Variants in GIT1 observed in about 807,000 individuals in gnomAD.
GIT1 encodes the protein ARF GTPase-activating protein GIT1.
A neutral mutation model predicts 91.7 loss-of-function variants in GIT1; 14 were observed. That is an observed-to-expected ratio of 0.15 (90% confidence interval 0.10 to 0.24). The LOEUF (loss-of-function observed/expected upper bound fraction) is 0.24. Among genes scored for constraint, GIT1 ranks in the 10% least tolerant of loss-of-function variants. The pLI is 1.00. For missense variants in GIT1, 717 were observed against 1,024.9 expected, an observed-to-expected ratio of 0.70 and a Z score of 4.10; for synonymous variants, 414 against 418.2, an observed-to-expected ratio of 0.99 and a Z score of 0.12.
At chr17:29,586,304 CT>C (rs769426785) in intron 1 of GIT1, among the ~76,000 whole-genome samples, 2 of 152,122 alleles carry the variant, frequency 1.3e-5, no homozygotes, top group Non-Finnish European at 2.9e-5. Context: ...TTTTTTGTGA[CT>C]TTATTTTTTA....
rs1261245165 is a variant in GIT1, at chr17:29,584,138, G to T, written c.53-522C>A. On this transcript the variant is annotated intron_variant, in intron 1 of 19. Coordinates refer to ENST00000225394, the MANE Select transcript of GIT1 (RefSeq NM_014030.4). Reference sequence around the variant, plus strand: ...CCATCATCACTGAGGGTGTAAGCTGGAGCCCTCTTAAGGAAGATGGACAGA... The same window carrying T: ...CCATCATCACTGAGGGTGTAAGCTGTAGCCCTCTTAAGGAAGATGGACAGA... Among the ~76,000 whole-genome samples, 6 of 152,230 alleles carry T rather than the reference G, an allele frequency of 3.9e-5. No homozygotes were observed. The East Asian group carries it at 7.7e-4, about 20-fold the overall frequency.
Position 29,581,987 on chromosome 17 carries a change from A to G in GIT1, c.563T>C (p.Val188Ala), listed in dbSNP as rs2033414327. 2.5e-6 allele frequency: 4 copies of G among 1,612,548 alleles called. No homozygotes were observed. In the East Asian group the frequency reaches 8.9e-5, roughly 36 times the overall value. ...GQTLQAELLVVYGADPGSPDV... is the reference protein window; with the variant it reads ...GQTLQAELLVAYGADPGSPDV... ...AGGGGAGCCAGGGTCAGCCCCATACACTACAAGCAGCTCGGCCTGCAGTGT... is the reference window on the plus strand; with the variant it reads ...AGGGGAGCCAGGGTCAGCCCCATACGCTACAAGCAGCTCGGCCTGCAGTGT... The change falls in exon 5 of 20, where the codon GTG becomes GCG. Residue 188 changes from valine (V) to alanine (A), a missense_variant. By Grantham distance (64) the Val-to-Ala change is moderately conservative. Coordinates refer to ENST00000225394, the MANE Select transcript of GIT1 (RefSeq NM_014030.4). The surrounding 1 kb of genome is among the most constrained non-coding windows in gnomAD (Gnocchi z 4.8).
In GIT1 at chr17:29,581,259, C is replaced by T; in HGVS notation, c.761+79G>A. 5 of 1,065,596 alleles carry T rather than the reference C, an allele frequency of 4.7e-6. No homozygotes were observed. Among genetic ancestry groups the T allele is most frequent in the Non-Finnish European group, 7.3e-6 (5 of 682,794 alleles). The allele number at this position is 1,065,596 out of a possible 1,614,324, so 66.0% of individuals were successfully genotyped here. ...GAGCAGGGTCCTAGGCCTCTGAAAC[C>T]TGGGCTGGGAGCTCTGGGGGTCAGC... On this transcript the variant is annotated intron_variant, in intron 7 of 19. Transcript: ENST00000225394. The surrounding 1 kb of genome is among the most constrained non-coding windows in gnomAD (Gnocchi z 4.8).
chr17:29,575,994 A>T lies in GIT1; in HGVS notation c.1665+84T>A. Reference sequence around the variant, plus strand: ...GGGACCAGGTCAGTCTAATCATCTTAAGCCCCGAATTCAGCACAGAGCCCA... The same window carrying T: ...GGGACCAGGTCAGTCTAATCATCTTTAGCCCCGAATTCAGCACAGAGCCCA... On this transcript the variant is annotated intron_variant, in intron 15 of 19. Transcript: ENST00000225394. This position sits in a 1 kb window ranked among gnomAD's most constrained non-coding sequence, Gnocchi z 5.5. The T allele has an allele frequency of 6.4e-7, 1 of 1,551,082 alleles. No individual in the cohort carries two copies. The highest frequency in any genetic ancestry group is 8.9e-7 in the Non-Finnish European group (1 of 1,123,920).
chr17:29,583,444 C>A, intron 2 of GIT1, 39 bp downstream of exon 2: 2 of 1,602,270 alleles, frequency 1.2e-6, no homozygotes, highest in Non-Finnish European at 8.5e-7. Context: ...GCACACTCTG[C>A]CTGAGGGGAA....
intron 7 of GIT1, among the ~76,000 whole-genome samples, chr17:29,580,339 G>C (rs1402594327): frequency 6.6e-6 from 1 of 152,220 alleles, no homozygotes; most frequent in Admixed American, 6.5e-5. Context: ...TTGGGGTCTG[G>C]AAGAGGTCTG....
At chr17:29,587,748 T>C (rs771758146) in intron 1 of GIT1, among the ~76,000 whole-genome samples, 3 of 152,152 alleles carry the variant, frequency 2.0e-5, no homozygotes, top group Non-Finnish European at 4.4e-5. Context: ...GAGGAAAGTC[T>C]TGTTGGGATT....
At chr17:29,583,066 GT>G in intron 2 of GIT1, 29 bp from the exon 3 acceptor site, 1 of 1,410,138 alleles carries the variant, frequency 7.1e-7, no homozygotes, top group Non-Finnish European at 1.0e-6. Context: ...AAGTGAGAGA[GT>G]GCCCACTGCG....
Position 29,582,067 on chromosome 17 carries a change from G to A in GIT1, c.483C>T (p.Phe161=), listed in dbSNP as rs2033416700. The change falls in exon 5 of 20, where the codon TTC becomes TTT. Residue 161 remains phenylalanine (F), a synonymous_variant. Transcript: ENST00000225394. ...RLLSLGAQAN[F]FHPEKGTTPL... ...GTGTGGTGCCCTTCTCTGGGTGGAAGAAGTTGGCCTGGGCACCCAGGGAGA... is the reference window on the plus strand; with the variant it reads ...GTGTGGTGCCCTTCTCTGGGTGGAAAAAGTTGGCCTGGGCACCCAGGGAGA... The A allele has an allele frequency of 1.2e-6, 2 of 1,609,612 alleles. No homozygotes were observed. The highest frequency in any genetic ancestry group is 1.1e-5 in the South Asian group (1 of 91,068).
Position 29,575,540 on chromosome 17 carries a change from G to T in GIT1, c.1827-70C>A. ...AAAGACACGTTCCAGCCTCGGAGCC[G>T]CCCGCCTTGGTCCTCACACACTGGG... is the stretch of plus-strand genomic sequence containing the variant. On this transcript the variant is annotated intron_variant, in intron 17 of 19. Transcript: ENST00000225394. This position sits in a 1 kb window ranked among gnomAD's most constrained non-coding sequence, Gnocchi z 5.5. 3 of 1,555,368 alleles carry T rather than the reference G, an allele frequency of 1.9e-6. No individual in the cohort carries two copies. Among genetic ancestry groups the T allele is most frequent in the Non-Finnish European group, 1.8e-6 (2 of 1,139,016 alleles).
At chr17:29,583,653 T>A (rs1183655630) in intron 1 of GIT1, 37 bp from the exon 2 acceptor site, 1 of 1,544,850 alleles carries the variant, frequency 6.5e-7, no homozygotes, top group African/African-American at 1.4e-5. Flanking sequence ...CGGAGCCAGA[T>A]GATGGGCCAG....
In GIT1 at chr17:29,575,748, C is replaced by G. The variant is rs1567768416; in HGVS notation, c.1753-45G>C. On this transcript the variant is annotated intron_variant, in intron 16 of 19. Coordinates refer to ENST00000225394, the MANE Select transcript of GIT1 (RefSeq NM_014030.4). This position sits in a 1 kb window ranked among gnomAD's most constrained non-coding sequence, Gnocchi z 5.5. Reference sequence around the variant, plus strand: ...GGCTGTGAGCGCCGTGTTCCTGGACCCACACTGCCCCTAGCCCACACGGCC... The same window carrying G: ...GGCTGTGAGCGCCGTGTTCCTGGACGCACACTGCCCCTAGCCCACACGGCC... 6.3e-7 allele frequency: 1 copy of G among 1,598,602 alleles called. No homozygotes were observed. Among genetic ancestry groups the G allele is most frequent in the Non-Finnish European group, 8.5e-7 (1 of 1,173,438 alleles).
Position 29,574,128 on chromosome 17 carries a change from G to T in GIT1, c.*574C>A, listed in dbSNP as rs1416981056. 7.1e-6 allele frequency: 1 copy of T among 141,064 alleles called. No individual in the cohort carries two copies. Among genetic ancestry groups the T allele is most frequent in the African/African-American group, 2.6e-5 (1 of 38,370 alleles). The allele number at this position is 141,064 out of a possible 1,614,324, so 8.7% of individuals were successfully genotyped here. A position where few individuals can be genotyped will look rare whatever the true frequency, so the allele number is the denominator to read the frequency against. Reference sequence around the variant, plus strand: ...AAATTAAGGGGTGGGGAAGAAGAAAGAAAAAAAAAAAACAGACTTTCCAGT... The same window carrying T: ...AAATTAAGGGGTGGGGAAGAAGAAATAAAAAAAAAAAACAGACTTTCCAGT... On this transcript the variant is annotated 3_prime_UTR_variant, in exon 20 of 20. Transcript: ENST00000225394.
Position 29,578,337 on chromosome 17 carries a change from T to C in GIT1, c.845A>G (p.Asp282Gly). 6.2e-7 allele frequency: 1 copy of C among 1,614,138 alleles called. No individual in the cohort carries two copies. Among genetic ancestry groups the C allele is most frequent in the Non-Finnish European group, 8.5e-7 (1 of 1,180,000 alleles). ...TCTTCGATCCACCTCGTCATACACG[T>C]CCATGGCGAGTTCCTCAAAAAGCCG... ...SNRLFEELAM[D>G]VYDEVDRREN... The change falls in exon 9 of 20, where the codon GAC becomes GGC. Residue 282 changes from aspartate to glycine, a missense_variant. Asp to Gly is a moderately conservative substitution (Grantham distance 94). Around this residue, in one of 3 missense-constraint regions of GIT1, gnomAD observed 271 missense variants for 451.6 expected, o/e 0.60. Transcript: ENST00000225394.
chr17:29,589,351 C>A lies in GIT1; in HGVS notation c.28G>T (p.Val10Leu). The change falls in exon 1 of 20, where the codon GTG (valine) becomes TTG (leucine). Residue 10 changes from valine (V) to leucine (L), a missense_variant. Val to Leu is a conservative substitution (Grantham distance 32). Around this residue, in one of 3 missense-constraint regions of GIT1, gnomAD observed 271 missense variants for 451.6 expected, o/e 0.60. Coordinates refer to ENST00000225394, the MANE Select transcript of GIT1 (RefSeq NM_014030.4). The surrounding 1 kb of genome is among the most constrained non-coding windows in gnomAD (Gnocchi z 5.2). ...CCCGGGGCGCTGCAGTCCGCACACA[C>A]CTCCGCTCGCGGCCCCTTTCGGGAC... MSRKGPRAE[V>L]CADCSAPDPG... The A allele has an allele frequency of 9.2e-7, 1 of 1,090,598 alleles. No individual in the cohort carries two copies. The highest frequency in any genetic ancestry group is 1.1e-6 in the Non-Finnish European group (1 of 886,278). 67.6% of individuals were successfully genotyped at this position (1,090,598 alleles called of 1,614,324 possible).
chr17:29,586,041 G>C (rs1261251230), intron 1 of GIT1, among the ~76,000 whole-genome samples: 3 of 152,146 alleles, frequency 2.0e-5, no homozygotes, highest in Non-Finnish European at 4.4e-5. Context: ...CCTCCCCTGA[G>C]CTAAGGGCCA....
In GIT1 at chr17:29,575,991, C is replaced by T. The variant is rs1048877510; in HGVS notation, c.1665+87G>A. The T allele has an allele frequency of 2.1e-5, 33 of 1,555,900 alleles. No individual in the cohort carries two copies. The East Asian group carries it at 7.2e-4, about 34-fold the overall frequency. ...GCAGGGACCAGGTCAGTCTAATCAT[C>T]TTAAGCCCCGAATTCAGCACAGAGC... On this transcript the variant is annotated intron_variant, in intron 15 of 19. Transcript: ENST00000225394. This position sits in a 1 kb window ranked among gnomAD's most constrained non-coding sequence, Gnocchi z 5.5.
In GIT1 at chr17:29,574,861, G is replaced by A. The variant is rs1350104708; in HGVS notation, c.2127C>T (p.Ala709=). The change falls in exon 20 of 20, where the codon GCC becomes GCT. Residue 709 remains alanine, a synonymous_variant. Transcript: ENST00000225394. ...TCCGGCACTCACTCTGCAGCCGGTA[G>A]GCGCTGGCGTTGAGCAGCCGCAGTG... ...RSSLRLLNAS[A]YRLQSECRKT... is the part of the protein sequence containing the mutation. The A allele has an allele frequency of 6.3e-7, 1 of 1,595,174 alleles. No individual in the cohort carries two copies. Among genetic ancestry groups the A allele is most frequent in the South Asian group, 1.1e-5 (1 of 89,808 alleles).
rs1379809572 is a variant in GIT1 at position 29,589,425 on chromosome 17, GCGGGCGGCGGGCC to G, written c.-60_-48del. On this transcript the variant is annotated 5_prime_UTR_variant, in exon 1 of 20. Coordinates refer to ENST00000225394, the MANE Select transcript of GIT1 (RefSeq NM_014030.4). This position sits in a 1 kb window ranked among gnomAD's most constrained non-coding sequence, Gnocchi z 5.2. ...AGCCCTCTGGGCCAGCGTGGGGGGCGCGGGCGGCGGGCCCGGGCGGCGGCGGCGGCCCCTGCTG... is the reference window on the plus strand; with the variant it reads ...AGCCCTCTGGGCCAGCGTGGGGGGCGCGGGCGGCGGCGGCGGCCCCTGCTG... 1.9e-5 allele frequency: 16 copies of G among 833,204 alleles called. No homozygotes were observed. The highest frequency in any genetic ancestry group is 1.3e-4 in the African/African-American group (7 of 53,626). 51.6% of individuals were successfully genotyped at this position (833,204 alleles called of 1,614,324 possible). A position where few individuals can be genotyped will look rare whatever the true frequency, so the allele number is the denominator to read the frequency against.
Sources: gnomAD v4.1 joint callset for allele counts (sites outside exome capture counted in the v4.1 genomes callset) on GRCh38, gnomAD v4.1.1 for gene constraint, gnomAD v4.1.1 regional missense constraint, Gnocchi (gnomAD v3.1) non-coding constraint, MANE v1.5 for transcripts, NCBI Gene and HGNC (gene_info 2026-07-23, HGNC 2026-07-21) for gene names.